The following GPC3 variants were observed in gnomAD, a reference collection of about 807,000 sequenced individuals.
The protein encoded by GPC3 is glypican-3.
Under a neutral mutation model 34.4 loss-of-function variants are expected in GPC3, and 3 were observed. The observed-to-expected ratio is 0.09, with a 90% confidence interval of 0.04 to 0.23. GPC3 has a LOEUF of 0.23. GPC3 is among the 10% of genes least tolerant of loss of function. GPC3 has a pLI of 1.00. For synonymous variants in GPC3, 177 were observed against 174.0 expected, an observed-to-expected ratio of 1.02 and a Z score of -0.13; for missense variants, 351 against 445.6, an observed-to-expected ratio of 0.79 and a Z score of 1.91.
At chrX:133,643,850 C>A (rs747832270) in intron 6 of GPC3, among the ~76,000 whole-genome samples, 2 of 92,960 alleles carry the variant, frequency 2.2e-5, no homozygotes, top group African/African-American at 5.3e-5. Context: ...TTTTTTGAGA[C>A]GGGGTTTTGC....
At chrX:133,840,074 G>A (rs1026978331) in intron 2 of GPC3, among the ~76,000 whole-genome samples, 4 of 111,093 alleles carry the variant, frequency 3.6e-5, no homozygotes, top group Non-Finnish European at 7.5e-5. Flanking sequence ...CTAGATTCTA[G>A]TTCGAGCTCT....
At chrX:133,844,979 T>G in intron 2 of GPC3, among the ~76,000 whole-genome samples, 1 of 111,568 alleles carries the variant, frequency 9.0e-6, no homozygotes, top group Non-Finnish European at 1.9e-5. Flanking sequence ...GGGTCCCAGT[T>G]CAGAAGACGG....
At chrX:133,950,056 A>G (rs1403617076) in intron 2 of GPC3, among the ~76,000 whole-genome samples, 3 of 112,096 alleles carry the variant, frequency 2.7e-5, no homozygotes, top group African/African-American at 9.7e-5. Flanking sequence ...CATAACTATT[A>G]TAAGGTAGGG....
intron 2 of GPC3, among the ~76,000 whole-genome samples, chrX:133,892,046 T>C (rs1040902596): frequency 1.8e-5 from 2 of 110,588 alleles, no homozygotes; most frequent in African/African-American, 3.3e-5. Context: ...GCCTGAAACA[T>C]AGAAACTCCG....
intron 2 of GPC3, among the ~76,000 whole-genome samples, chrX:133,846,906 A>G (rs1465220151): frequency 9.0e-6 from 1 of 111,711 alleles, no homozygotes; most frequent in Non-Finnish European, 1.9e-5. Flanking sequence ...ATCTTCCATT[A>G]CCTGAACTTC....
chrX:133,892,018 G>A (rs1485913221), intron 2 of GPC3, among the ~76,000 whole-genome samples: 1 of 110,430 alleles, frequency 9.1e-6, no homozygotes, highest in Non-Finnish European at 1.9e-5. Flanking sequence ...AATTAAATGA[G>A]ATTGTATAAT....
Position 133,831,560 on chromosome X carries a change from G to A in GPC3, c.338-77384C>T, listed in dbSNP as rs765506416. On this transcript the variant is annotated intron_variant, in intron 2 of 7. Transcript: ENST00000370818. ...AGCCTGACCAACATGGAGAAACCCC[G>A]TCTCTACTAAAAATACAAAATTAAC... Among the ~76,000 whole-genome samples, 51 of 111,636 alleles carry A rather than the reference G, an allele frequency of 4.6e-4. 1 individual carries two copies. Among genetic ancestry groups the A allele is most frequent in the African/African-American group, 1.4e-3 (44 of 30,712 alleles).
intron 2 of GPC3, among the ~76,000 whole-genome samples, chrX:133,952,119 C>G (rs766783856): frequency 1.8e-5 from 2 of 110,665 alleles, no homozygotes; most frequent in South Asian, 7.8e-4. Flanking sequence ...TTCCCAGTTA[C>G]AGGAGGCAGC....
Position 133,754,058 on chromosome X carries a change from C to T in GPC3, c.456G>A (p.Val152=), listed in dbSNP as rs1363884283. 2.5e-6 allele frequency: 3 copies of T among 1,206,334 alleles called. No individual in the cohort carries two copies. The highest frequency in any genetic ancestry group is 2.2e-5 in the Admixed American group (1 of 45,870). ...TGTCAGAACCCAAGATGTAGAGAGA[C>T]ACATCTGTGAAAAATTCACCCACAA... ...FEFVGEFFTD[V]SLYILGSDIN... Residue 152 remains valine, a synonymous_variant, in exon 3 of 8, where the codon GTG becomes GTA. Coordinates refer to ENST00000370818, the MANE Select transcript of GPC3 (RefSeq NM_004484.4).
chrX:133,615,025 A>G (rs1300300589), intron 6 of GPC3, among the ~76,000 whole-genome samples: 1 of 112,425 alleles, frequency 8.9e-6, no homozygotes, highest in African/African-American at 3.2e-5. Flanking sequence ...GAATAGATCT[A>G]TAACAAGTAA....
intron 5 of GPC3, among the ~76,000 whole-genome samples, chrX:133,678,713 C>A (rs1192512316): frequency 8.9e-6 from 1 of 111,926 alleles, no homozygotes; most frequent in Non-Finnish European, 1.9e-5. Flanking sequence ...TTTGAAAAAG[C>A]TGGGTTATCC....
intron 3 of GPC3, among the ~76,000 whole-genome samples, chrX:133,703,976 T>C (rs1241448214): frequency 8.9e-6 from 1 of 111,936 alleles, no homozygotes; most frequent in East Asian, 2.8e-4. Flanking sequence ...AGAAGAAAAA[T>C]CACCAAAAAA....
At chrX:133,939,731 A>T in intron 2 of GPC3, among the ~76,000 whole-genome samples, 1 of 112,052 alleles carries the variant, frequency 8.9e-6, no homozygotes. Context: ...CATAATTCTA[A>T]AATGCCTGTA....
intron 2 of GPC3, among the ~76,000 whole-genome samples, chrX:133,912,914 C>A (rs747956182): frequency 9.1e-6 from 1 of 109,931 alleles, no homozygotes; most frequent in Middle Eastern, 4.2e-3. Flanking sequence ...CTAGGCCGGG[C>A]GTGGTGGTGC....
At chrX:133,540,692 A>C (rs1256016127) in intron 7 of GPC3, among the ~76,000 whole-genome samples, 2 of 111,599 alleles carry the variant, frequency 1.8e-5, no homozygotes, top group African/African-American at 6.5e-5. Flanking sequence ...GTACCCAAAA[A>C]CTATTGAAAT....
At chrX:133,929,504 T>G (rs1184156055) in intron 2 of GPC3, among the ~76,000 whole-genome samples, 1 of 111,988 alleles carries the variant, frequency 8.9e-6, no homozygotes, top group Non-Finnish European at 1.9e-5. Flanking sequence ...CAGGCCTGCT[T>G]AGCTTCCCTG....
At chrX:133,901,982 C>T (rs1358756837) in intron 2 of GPC3, among the ~76,000 whole-genome samples, 2 of 111,911 alleles carry the variant, frequency 1.8e-5, no homozygotes, top group African/African-American at 6.5e-5. Flanking sequence ...GACGTTAGAA[C>T]TGTGCCTGAC....
At chrX:133,700,492 T>C (rs1346879133) in intron 3 of GPC3, among the ~76,000 whole-genome samples, 1 of 111,309 alleles carries the variant, frequency 9.0e-6, no homozygotes, top group Non-Finnish European at 1.9e-5. Flanking sequence ...CTATGAGTAT[T>C]TTTTTATAAG....
intron 2 of GPC3, among the ~76,000 whole-genome samples, chrX:133,827,613 T>C (rs2075754170): frequency 9.0e-6 from 1 of 110,850 alleles, no homozygotes; most frequent in South Asian, 3.9e-4. Context: ...TGAAACCTTG[T>C]CTCTACCAAA....
Sources: allele counts gnomAD v4.1 joint callset (sites outside exome capture counted in the v4.1 genomes callset), GRCh38; gene constraint gnomAD v4.1.1; transcripts MANE v1.5; gene names NCBI Gene and HGNC (gene_info 2026-07-23, HGNC 2026-07-21).